The following GPR85 variants were observed in gnomAD, a reference collection of about 807,000 sequenced individuals.
GPR85 encodes the protein probable G protein-coupled receptor 85.
GPR85 carries 7 observed loss-of-function variants against 21.3 expected under a neutral mutation model. The ratio of observed to expected loss-of-function variants is 0.33; its 90% CI spans 0.19 to 0.62. The LOEUF is 0.62. GPR85 is among the 20% of genes least tolerant of loss of function. The probability of loss-of-function intolerance (pLI) is 0.80; values close to 1 mark genes in which losing one functional copy is unlikely to be tolerated. For missense variants in GPR85, 299 were observed against 443.8 expected (o/e 0.67, Z 2.93); for synonymous variants, 167 against 166.1 (o/e 1.01, Z -0.04).
Position 113,086,412 on chromosome 7 carries a change from T to TG in GPR85, c.-380_-379insC, listed in dbSNP as rs1794294087. ...TTTCTTTTTCTTTTTTTTTTTTTTT[T>TG]TTTTGTTTTTTGTTTTTTTTTTTTT... is the stretch of plus-strand genomic sequence containing the variant. On this transcript the variant is annotated 5_prime_UTR_variant, in exon 1 of 3. It introduces an in-frame stop codon into an upstream open reading frame of the 5' UTR. Coordinates refer to ENST00000424100, the MANE Select transcript of GPR85 (RefSeq NM_001146267.2). 7.7e-5 allele frequency: 7 copies of TG among 91,404 alleles called. No individual in the cohort carries two copies. The highest frequency in any genetic ancestry group is 3.2e-4 in the African/African-American group (7 of 22,222). 5.7% of individuals were successfully genotyped at this position (91,404 alleles called of 1,614,324 possible).
Position 113,082,914 on chromosome 7 carries a change from C to G in GPR85, c.*695G>C, listed in dbSNP as rs559230372. The G allele has an allele frequency of 4.3e-4, 65 of 152,608 alleles. No homozygotes were observed. The highest frequency in any genetic ancestry group is 1.5e-3 in the African/African-American group (63 of 41,536). 9.5% of individuals were successfully genotyped at this position (152,608 alleles called of 1,614,324 possible). A position where few individuals can be genotyped will look rare whatever the true frequency, so the allele number is the denominator to read the frequency against. ...ATAAATGAATTGGAAAAACTTTATA[C>G]CAAATCAACAAAAACCACATAATAC... On this transcript the variant is annotated 3_prime_UTR_variant, in exon 3 of 3. Transcript: ENST00000424100.
chr7:113,082,660 A>G lies in GPR85; in HGVS notation c.*949T>C, dbSNP rs925799437. The G allele has an allele frequency of 1.3e-5, 2 of 152,554 alleles. No homozygotes were observed. Among genetic ancestry groups the G allele is most frequent in the Non-Finnish European group, 2.9e-5 (2 of 68,022 alleles). 9.5% of individuals were successfully genotyped at this position (152,554 alleles called of 1,614,324 possible). A position where few individuals can be genotyped will look rare whatever the true frequency, so the allele number is the denominator to read the frequency against. ...CTTTAAGTTTCAAACCATGTGAGAA[A>G]AAAGGAAAAAGTAATAAATGATCTT... On this transcript the variant is annotated 3_prime_UTR_variant, in exon 3 of 3. Transcript: ENST00000424100.
At position 113,084,707 on chromosome 7, in the gene GPR85, G is replaced by T; in HGVS notation, c.15C>A (p.Ser5Arg). ...TTTGCAAAATGTTGTCAGCTGCATG[G>T]CTATAGTTCGCCATAGATGGATGGA... MANY[S>R]HAADNILQNL... Residue 5 changes from serine (S) to arginine (R), a missense_variant, in exon 3 of 3, where the codon AGC becomes AGA. Coordinates refer to ENST00000424100, the MANE Select transcript of GPR85 (RefSeq NM_001146267.2). 1 of 1,611,682 alleles carries T rather than the reference G, an allele frequency of 6.2e-7. No homozygotes were observed. Among genetic ancestry groups the T allele is most frequent in the Non-Finnish European group, 8.5e-7 (1 of 1,178,494 alleles).
chr7:113,084,474 T>C lies in GPR85; in HGVS notation c.248A>G (p.Asn83Ser). Residue 83 changes from asparagine to serine, a missense_variant, in exon 3 of 3, where the codon AAT (asparagine) becomes AGT (serine). This residue lies in a region of GPR85 where 101 missense variants were observed against 108.4 expected (regional missense o/e 0.93). Transcript: ENST00000424100. ...AGTCCCATAAGTCCAGGTAGAACCA[T>C]TTTTGACAGAGTTGAACACAAATGG... ...CFPFVFNSVK[N>S]GSTWTYGTLT... The C allele has an allele frequency of 6.2e-7, 1 of 1,613,854 alleles. No individual in the cohort carries two copies. Among genetic ancestry groups the C allele is most frequent in the Non-Finnish European group, 8.5e-7 (1 of 1,179,766 alleles).
Position 113,083,667 on chromosome 7 carries a change from G to A in GPR85, c.1055C>T (p.Thr352Ile). ...GGATTTTCTGCAGTAAAGAAGGGTT[G>A]TGCTGAAACAGCGCCTCAGCTCCCT... The part of the protein sequence containing the change: ...SNRELRRCFS[T>I]TLLYCRKSRL... Residue 352 changes from threonine (T) to isoleucine (I), a missense_variant, in exon 3 of 3, where the codon ACA becomes ATA. Physicochemically the swap from Thr to Ile is moderately conservative, Grantham distance 89 (BLOSUM62 -1). Coordinates refer to ENST00000424100, the MANE Select transcript of GPR85 (RefSeq NM_001146267.2). This position sits in a 1 kb window ranked among gnomAD's most constrained non-coding sequence, Gnocchi z 4.4. 6.2e-7 allele frequency: 1 copy of A among 1,614,144 alleles called. No individual in the cohort carries two copies. The highest frequency in any genetic ancestry group is 8.5e-7 in the Non-Finnish European group (1 of 1,179,992).
Position 113,083,474 on chromosome 7 carries a change from G to T in GPR85, c.*135C>A. ...AGGATTATAGGTGAACTATTGCAAA[G>T]ACTGCAGAATGTTGCCCAAATCCTT... is the stretch of plus-strand genomic sequence containing the variant. On this transcript the variant is annotated 3_prime_UTR_variant, in exon 3 of 3. Transcript: ENST00000424100. This position sits in a 1 kb window ranked among gnomAD's most constrained non-coding sequence, Gnocchi z 4.4. The T allele has an allele frequency of 1.3e-6, 1 of 777,300 alleles. No individual in the cohort carries two copies. The highest frequency in any genetic ancestry group is 3.9e-4 in the Middle Eastern group (1 of 2,596). The allele number at this position is 777,300 out of a possible 1,614,324, so 48.2% of individuals were successfully genotyped here.
Position 113,083,212 on chromosome 7 carries a change from T to C in GPR85, c.*397A>G, listed in dbSNP as rs1794182694. ...AAAGTCTTCAAACTTCTAAAATTAG[T>C]TTTTATCAACACATTTACCTCATGT... is the stretch of plus-strand genomic sequence containing the variant. On this transcript the variant is annotated 3_prime_UTR_variant, in exon 3 of 3. Transcript: ENST00000424100. This position sits in a 1 kb window ranked among gnomAD's most constrained non-coding sequence, Gnocchi z 4.4. 1 of 159,412 alleles carries C rather than the reference T, an allele frequency of 6.3e-6. No individual in the cohort carries two copies. The highest frequency in any genetic ancestry group is 1.4e-5 in the Non-Finnish European group (1 of 73,020). The allele number at this position is 159,412 out of a possible 1,614,324, so 9.9% of individuals were successfully genotyped here. A position where few individuals can be genotyped will look rare whatever the true frequency, so the allele number is the denominator to read the frequency against.
At chr7:113,085,017 G>A (rs1794238445) in intron 2 of GPR85, 126 bp from the exon 3 acceptor site, 1 of 262,420 alleles carries the variant, frequency 3.8e-6, no homozygotes, top group African/African-American at 2.2e-5. Flanking sequence ...ACTAATATTT[G>A]CTTTACTAAA....
At position 113,083,641 on chromosome 7, in the gene GPR85, T is replaced by C. The variant is rs1475645295; in HGVS notation, c.1081A>G (p.Arg361Gly). 4.3e-6 allele frequency: 7 copies of C among 1,614,026 alleles called. No individual in the cohort carries two copies. In the South Asian group the frequency reaches 5.5e-5, roughly 13 times the overall value. Residue 361 changes from arginine (R) to glycine (G), a missense_variant, in exon 3 of 3, where the codon AGG (arginine) becomes GGG (glycine). By Grantham distance (125) the Arg-to-Gly change is moderately radical. Coordinates refer to ENST00000424100, the MANE Select transcript of GPR85 (RefSeq NM_001146267.2). The surrounding 1 kb of genome is among the most constrained non-coding windows in gnomAD (Gnocchi z 4.4). The part of the protein sequence containing the change: ...STTLLYCRKS[R>G]LPREPYCVI ...ACACAGTAAGGTTCCCTTGGTAACC[T>C]GGATTTTCTGCAGTAAAGAAGGGTT...
chr7:113,087,354 A>G (rs1374641672), upstream of GPR85: 2 of 154,418 alleles, frequency 1.3e-5, no homozygotes, highest in East Asian at 1.9e-4. Context: ...GTGATGTCAA[A>G]GCAGTTATGT....
chr7:113,083,664 G>C lies in GPR85; in HGVS notation c.1058C>G (p.Thr353Ser). The part of the protein sequence containing the change: ...NRELRRCFST[T>S]LLYCRKSRLP... ...CCTGGATTTTCTGCAGTAAAGAAGG[G>C]TTGTGCTGAAACAGCGCCTCAGCTC... The change falls in exon 3 of 3, where the codon ACC becomes AGC. Residue 353 changes from threonine (T) to serine (S), a missense_variant. This residue lies in a region of GPR85 where 198 missense variants were observed against 335.4 expected (regional missense o/e 0.59). Coordinates refer to ENST00000424100, the MANE Select transcript of GPR85 (RefSeq NM_001146267.2). The surrounding 1 kb of genome is among the most constrained non-coding windows in gnomAD (Gnocchi z 4.4). 1 of 1,614,142 alleles carries C rather than the reference G, an allele frequency of 6.2e-7. No homozygotes were observed. The highest frequency in any genetic ancestry group is 8.5e-7 in the Non-Finnish European group (1 of 1,179,978).
intron 2 of GPR85, among the ~76,000 whole-genome samples, chr7:113,085,194 A>G (rs1445030525): frequency 6.6e-6 from 1 of 152,190 alleles, no homozygotes; most frequent in Non-Finnish European, 1.5e-5. Flanking sequence ...ATTAACCACT[A>G]GAATTGCAAT....
At position 113,083,386 on chromosome 7, in the gene GPR85, T is replaced by A. The variant is rs1794187146; in HGVS notation, c.*223A>T. ...ACATAAAGAAACTTAGGGCAGTGGTTCAGTCCCTTCTTAATTACAAACCTT... is the reference window on the plus strand; with the variant it reads ...ACATAAAGAAACTTAGGGCAGTGGTACAGTCCCTTCTTAATTACAAACCTT... On this transcript the variant is annotated 3_prime_UTR_variant, in exon 3 of 3. Coordinates refer to ENST00000424100, the MANE Select transcript of GPR85 (RefSeq NM_001146267.2). The surrounding 1 kb of genome is among the most constrained non-coding windows in gnomAD (Gnocchi z 4.4). 1 of 525,620 alleles carries A rather than the reference T, an allele frequency of 1.9e-6. No individual in the cohort carries two copies. Among genetic ancestry groups the A allele is most frequent in the African/African-American group, 1.9e-5 (1 of 52,362 alleles). 32.6% of individuals were successfully genotyped at this position (525,620 alleles called of 1,614,324 possible).
At chr7:113,087,177 G>A (rs573354995), upstream of GPR85, among the ~76,000 whole-genome samples, 30 of 152,302 alleles carry the variant, frequency 2.0e-4, no homozygotes, top group African/African-American at 6.7e-4. Context: ...TAGGGAGAAA[G>A]CTAAGTTCAG....
In GPR85 at chr7:113,086,426, T is replaced by TTTTTG. The variant is rs1794299180; in HGVS notation, c.-394_-393insCAAAA. ...TTTTTTTTTTTTTTTTGTTTTTTGTTTTTTTTTTTTTTTTTTTTGCCTTAG... is the reference window on the plus strand; with the variant it reads ...TTTTTTTTTTTTTTTTGTTTTTTGTTTTTTGTTTTTTTTTTTTTTTTTTGCCTTAG... On this transcript the variant is annotated 5_prime_UTR_variant, in exon 1 of 3. The change abolishes the stop of an existing upstream ORF in the 5' untranslated region. Coordinates refer to ENST00000424100, the MANE Select transcript of GPR85 (RefSeq NM_001146267.2). The TTTTTG allele has an allele frequency of 2.0e-5, 2 of 99,926 alleles. No individual in the cohort carries two copies. Among genetic ancestry groups the TTTTTG allele is most frequent in the African/African-American group, 8.5e-5 (2 of 23,608 alleles). The allele number at this position is 99,926 out of a possible 1,614,324, so 6.2% of individuals were successfully genotyped here. A position where few individuals can be genotyped will look rare whatever the true frequency, so the allele number is the denominator to read the frequency against.
In GPR85 at chr7:113,083,575, G is replaced by A. The variant is rs1794192208; in HGVS notation, c.*34C>T. 1 of 1,569,600 alleles carries A rather than the reference G, an allele frequency of 6.4e-7. No homozygotes were observed. Among genetic ancestry groups the A allele is most frequent in the Non-Finnish European group, 8.6e-7 (1 of 1,157,732 alleles). On this transcript the variant is annotated 3_prime_UTR_variant, in exon 3 of 3. Transcript: ENST00000424100. This position sits in a 1 kb window ranked among gnomAD's most constrained non-coding sequence, Gnocchi z 4.4. ...CACAATTGCTCAGCAGAGAAGGTTA[G>A]TTTTCACAAGGCTAAAGATTTACAG... is the stretch of plus-strand genomic sequence containing the variant.
In GPR85 at chr7:113,084,894, G is replaced by GAA. The variant is rs35953390; in HGVS notation, c.-170-5_-170-4dup. On this transcript the variant is annotated splice_region_variant and splice_polypyrimidine_tract_variant and intron_variant, in intron 2 of 2. Transcript: ENST00000424100. ...CACTTGTTTTGCCATCAGAATATCT[G>GAA]AAAAAAAAAAAAAAAAAAACCTATC... 0.011 allele frequency: 2,375 copies of GAA among 209,476 alleles called. 27 individuals carry two copies. The highest frequency in any genetic ancestry group is 0.034 in the African/African-American group (1,139 of 33,414). The allele number at this position is 209,476 out of a possible 1,614,324, so 13.0% of individuals were successfully genotyped here.
At position 113,086,435 on chromosome 7, in the gene GPR85, T is replaced by TTTTTTTTTTTTTTTTTTTTA. The variant is rs1336909996; in HGVS notation, c.-403_-402insTAAAAAAAAAAAAAAAAAAA. The TTTTTTTTTTTTTTTTTTTTA allele has an allele frequency of 8.3e-6, 1 of 119,878 alleles. No individual in the cohort carries two copies. The highest frequency in any genetic ancestry group is 1.8e-5 in the Non-Finnish European group (1 of 56,426). The allele number at this position is 119,878 out of a possible 1,614,324, so 7.4% of individuals were successfully genotyped here. A position where few individuals can be genotyped will look rare whatever the true frequency, so the allele number is the denominator to read the frequency against. On this transcript the variant is annotated 5_prime_UTR_variant, in exon 1 of 3. It removes the in-frame stop codon of an upstream open reading frame in the 5' UTR. Coordinates refer to ENST00000424100, the MANE Select transcript of GPR85 (RefSeq NM_001146267.2). ...TTTTTTTGTTTTTTGTTTTTTTTTT[T>TTTTTTTTTTTTTTTTTTTTA]TTTTTTTTTGCCTTAGTGCCTTGAC...
rs370779432 is a variant in GPR85 at position 113,084,677 on chromosome 7, G to C, written c.45C>G (p.Leu15=). Residue 15 remains leucine (L), a synonymous_variant, in exon 3 of 3, where the codon CTC becomes CTG. Coordinates refer to ENST00000424100, the MANE Select transcript of GPR85 (RefSeq NM_001146267.2). ...SHAADNILQN[L]SPLTAFLKLT... ...GTTTCAGAAAGGCTGTTAGAGGCGA[G>C]AGATTTTGCAAAATGTTGTCAGCTG... is the stretch of plus-strand genomic sequence containing the variant. 4 of 1,613,666 alleles carry C rather than the reference G, an allele frequency of 2.5e-6. No individual in the cohort carries two copies. The East Asian group carries it at 8.9e-5, about 36-fold the overall frequency.
Sources: allele counts gnomAD v4.1 joint callset (sites outside exome capture counted in the v4.1 genomes callset), GRCh38; gene constraint gnomAD v4.1.1; regional missense constraint gnomAD v4.1.1; non-coding constraint Gnocchi (gnomAD v3.1); transcripts MANE v1.5; gene names NCBI Gene and HGNC (gene_info 2026-07-23, HGNC 2026-07-21).